Variants in ADGRL2 observed in about 807,000 individuals in gnomAD.
The protein encoded by ADGRL2 is calcium-independent alpha-latrotoxin receptor 2.
Under a neutral mutation model 157.4 loss-of-function variants are expected in ADGRL2, and 44 were observed. The ratio of observed to expected loss-of-function variants is 0.28; its 90% CI spans 0.22 to 0.36. The LOEUF (loss-of-function observed/expected upper bound fraction) is 0.36. ADGRL2 is among the 10% of genes least tolerant of loss of function. The pLI, the probability that ADGRL2 is intolerant of heterozygous loss-of-function variation, is 1.00. For missense variants in ADGRL2, 1,510 were observed against 1,768.9 expected, an observed-to-expected ratio of 0.85 and a Z score of 2.63; for synonymous variants, 585 against 624.7, an observed-to-expected ratio of 0.94 and a Z score of 0.95.
chr1:81,314,449 C>G (rs1405627798), intron 1 of ADGRL2, among the ~76,000 whole-genome samples: 1 of 152,046 alleles, frequency 6.6e-6, no homozygotes, highest in African/African-American at 2.4e-5. Context: ...AGTTTGTACC[C>G]AGAGCAGGGT....
chr1:81,853,211 GGGTTGGAACTT>G (rs1224258561), intron 2 of ADGRL2, among the ~76,000 whole-genome samples: 2 of 152,124 alleles, frequency 1.3e-5, no homozygotes, highest in Non-Finnish European at 2.9e-5. Flanking sequence ...ACCAGGTGCT[GGGTTGGAACTT>G]GGTTCTCCAC....
intron 1 of ADGRL2, among the ~76,000 whole-genome samples, chr1:81,365,531 A>T (rs2076050130): frequency 6.6e-6 from 1 of 151,920 alleles, no homozygotes; most frequent in African/African-American, 2.4e-5. Context: ...ATCAAGACTT[A>T]AAAAAATAAA....
intron 2 of ADGRL2, among the ~76,000 whole-genome samples, chr1:81,896,620 A>G (rs1425389599): frequency 6.6e-6 from 1 of 152,164 alleles, no homozygotes; most frequent in Non-Finnish European, 1.5e-5. Context: ...TTTTCCTCTT[A>G]AAACAACTTT....
intron 4 of ADGRL2, among the ~76,000 whole-genome samples, chr1:81,937,754 T>C (rs935343285): frequency 6.6e-6 from 1 of 151,744 alleles, no homozygotes; most frequent in Non-Finnish European, 1.5e-5. Context: ...TTTTGTACAC[T>C]TTCCTCCTTT....
intron 1 of ADGRL2, among the ~76,000 whole-genome samples, chr1:81,409,008 C>A (rs1196374084): frequency 1.3e-5 from 2 of 152,284 alleles, no homozygotes; most frequent in South Asian, 2.1e-4. Flanking sequence ...GACTCAACTG[C>A]CAAAATTTTT....
At chr1:81,584,760 G>A (rs2080989655) in intron 3 of ADGRL2, among the ~76,000 whole-genome samples, 1 of 152,094 alleles carries the variant, frequency 6.6e-6, no homozygotes. Context: ...GTAGTTTCTA[G>A]CTTCAGGTTA....
intron 1 of ADGRL2, among the ~76,000 whole-genome samples, chr1:81,440,075 C>T (rs2077479765): frequency 6.6e-6 from 1 of 152,068 alleles, no homozygotes; most frequent in Admixed American, 6.6e-5. Flanking sequence ...AGCAAAGACA[C>T]CACTCAAAGG....
Position 81,990,497 on chromosome 1 carries a change from C to A in ADGRL2, c.3762C>A (p.Ser1254Arg). The A allele has an allele frequency of 6.2e-7, 1 of 1,614,074 alleles. No homozygotes were observed. Among genetic ancestry groups the A allele is most frequent in the Non-Finnish European group, 8.5e-7 (1 of 1,179,974 alleles). Residue 1254 changes from serine to arginine, a missense_variant, in exon 24 of 24, where the codon AGC becomes AGA. By Grantham distance (110) the Ser-to-Arg change is moderately radical. Transcript: ENST00000686636. ...TGCACAAGGGTGACTATAATGACAG[C>A]GTGCAAGTTGTGGACTGTGGACTAA... ...YSLHKGDYNDSVQVVDCGLSL... is the reference protein window; with the variant it reads ...YSLHKGDYNDRVQVVDCGLSL...
At chr1:81,419,961 T>A in intron 1 of ADGRL2, among the ~76,000 whole-genome samples, 1 of 152,194 alleles carries the variant, frequency 6.6e-6, no homozygotes, top group East Asian at 1.9e-4. Context: ...TAGATATAAT[T>A]ATAACTAGGC....
At chr1:81,989,890 T>C (rs1163128257) in intron 23 of ADGRL2, 2 of 985,330 alleles carry the variant, frequency 2.0e-6, no homozygotes, top group Non-Finnish European at 2.4e-6. Flanking sequence ...TTTAAAAAGT[T>C]GCTTGCCAGT....
At chr1:81,464,553 C>T (rs1415937104) in intron 2 of ADGRL2, among the ~76,000 whole-genome samples, 1 of 152,158 alleles carries the variant, frequency 6.6e-6, no homozygotes, top group African/African-American at 2.4e-5. Context: ...TGAATTCTTT[C>T]TCTGTTCTTC....
chr1:81,318,578 G>T (rs1225933399), intron 1 of ADGRL2, among the ~76,000 whole-genome samples: 1 of 152,108 alleles, frequency 6.6e-6, no homozygotes, highest in African/African-American at 2.4e-5. Flanking sequence ...AATAAATGGT[G>T]ACTATTACTA....
intron 1 of ADGRL2, among the ~76,000 whole-genome samples, chr1:81,390,248 G>T (rs1272433781): frequency 6.6e-6 from 1 of 152,294 alleles, no homozygotes; most frequent in Middle Eastern, 3.2e-3. Flanking sequence ...TGTAGCAAAC[G>T]TTTGAAACCC....
At chr1:81,842,949 C>G (rs923566671) in intron 2 of ADGRL2, among the ~76,000 whole-genome samples, 2 of 151,924 alleles carry the variant, frequency 1.3e-5, no homozygotes, top group African/African-American at 4.8e-5. Context: ...TAGTTGAAGT[C>G]TAGGAGGTAA....
At chr1:81,653,906 T>TC (rs977028866) in intron 3 of ADGRL2, among the ~76,000 whole-genome samples, 2 of 152,082 alleles carry the variant, frequency 1.3e-5, no homozygotes, top group Non-Finnish European at 2.9e-5. Flanking sequence ...TCTGCAATTT[T>TC]CCCCCTCAGA....
chr1:81,841,484 G>T (rs2092577404), intron 2 of ADGRL2, among the ~76,000 whole-genome samples: 1 of 152,150 alleles, frequency 6.6e-6, no homozygotes, highest in African/African-American at 2.4e-5. Context: ...CTGGCATATA[G>T]ATATTTCCTT....
intron 3 of ADGRL2, among the ~76,000 whole-genome samples, chr1:81,616,382 A>G (rs1280719271): frequency 1.3e-5 from 2 of 152,250 alleles, no homozygotes; most frequent in East Asian, 1.9e-4. Context: ...TTCATCCACC[A>G]TATTTGGAAT....
chr1:81,314,989 A>G (rs888643333), intron 1 of ADGRL2, among the ~76,000 whole-genome samples: 1 of 152,178 alleles, frequency 6.6e-6, no homozygotes, highest in African/African-American at 2.4e-5. Flanking sequence ...TCTTCCAACC[A>G]ACCATTTGTA....
At chr1:81,632,532 G>A (rs557694990) in intron 3 of ADGRL2, among the ~76,000 whole-genome samples, 2 of 152,222 alleles carry the variant, frequency 1.3e-5, no homozygotes, top group South Asian at 4.1e-4. Context: ...GCCGAGGCGG[G>A]CAGATCATGA....
Sources: gnomAD v4.1 joint callset for allele counts (sites outside exome capture counted in the v4.1 genomes callset) on GRCh38, gnomAD v4.1.1 for gene constraint, MANE v1.5 for transcripts, NCBI Gene and HGNC (gene_info 2026-07-23, HGNC 2026-07-21) for gene names.